ZNF609: variants seen among roughly 807,000 people sequenced by gnomAD.
ZNF609 encodes the protein zinc finger protein 609.
ZNF609 carries 11 observed loss-of-function variants against 109.5 expected under a neutral mutation model. The observed-to-expected ratio is 0.10, with a 90% CI of 0.06 to 0.17. The LOEUF is 0.17. ZNF609 is among the 10% of genes least tolerant of loss of function. ZNF609 has a pLI of 1.00. For missense variants in ZNF609, 1,559 were observed against 1,772.4 expected, an observed-to-expected ratio of 0.88 and a Z score of 2.16; for synonymous variants, 646 against 662.0, an observed-to-expected ratio of 0.98 and a Z score of 0.37.
At chr15:64,578,974 C>G (rs570851927) in intron 2 of ZNF609, among the ~76,000 whole-genome samples, 1 of 152,072 alleles carries the variant, frequency 6.6e-6, no homozygotes, top group East Asian at 1.9e-4. Flanking sequence ...TATATTCCAG[C>G]CTGGGTGACA....
chr15:64,492,928 A>G (rs943595389), intron 1 of ZNF609, among the ~76,000 whole-genome samples: 2 of 152,202 alleles, frequency 1.3e-5, no homozygotes, highest in Non-Finnish European at 2.9e-5. Context: ...GGGAATACCT[A>G]GCTAGACAGC....
intron 1 of ZNF609, among the ~76,000 whole-genome samples, chr15:64,466,521 CT>C: frequency 6.6e-6 from 1 of 152,294 alleles, no homozygotes; most frequent in African/African-American, 2.4e-5. Context: ...GGAGTGAAGG[CT>C]CTTTGAGGGA....
In ZNF609 at chr15:64,576,949, C is replaced by CATATATGTATATATACACATATAT. The variant is rs1567018981; in HGVS notation, c.748-45857_748-45856insTATATATATGTATATATACACATA. Among the ~76,000 whole-genome samples the CATATATGTATATATACACATATAT allele has an allele frequency of 1.1e-4, 6 of 52,228 alleles. No homozygotes were observed. In the East Asian group the frequency reaches 8.2e-3, roughly 72 times the overall value. The allele number at this position is 52,228 out of a possible 152,430, so 34.3% of individuals were successfully genotyped here. ...GTGTATATATACATATAAATATATA[C>CATATATGTATATATACACATATAT]ATATATGTATATATACACATAAATA... On this transcript the variant is annotated intron_variant, in intron 2 of 9. Coordinates refer to ENST00000326648, the MANE Select transcript of ZNF609 (RefSeq NM_015042.2).
At chr15:64,641,442 G>C (rs2140990558) in intron 3 of ZNF609, among the ~76,000 whole-genome samples, 1 of 151,832 alleles carries the variant, frequency 6.6e-6, no homozygotes, top group African/African-American at 2.4e-5. Context: ...TTGAACTCCT[G>C]ACCTCAGGTG....
At chr15:64,545,412 T>C (rs1894340974) in intron 2 of ZNF609, among the ~76,000 whole-genome samples, 2 of 152,168 alleles carry the variant, frequency 1.3e-5, no homozygotes, top group Non-Finnish European at 2.9e-5. Flanking sequence ...TTGCCCAGGC[T>C]GGACTTGAAC....
intron 2 of ZNF609, among the ~76,000 whole-genome samples, 155 bp from the exon 3 acceptor site, chr15:64,622,672 T>C (rs539342141): frequency 6.6e-6 from 1 of 152,358 alleles, no homozygotes; most frequent in South Asian, 2.1e-4. Context: ...TGTAGTGGTA[T>C]CATAAGCCAG....
chr15:64,514,852 GC>G lies in ZNF609; in HGVS notation c.747+14690del, dbSNP rs560931102. 2.0e-3 allele frequency among the ~76,000 whole-genome samples: 299 copies of G among 152,212 alleles called. 5 individuals are homozygous for G. Among genetic ancestry groups the G allele is most frequent in the Admixed American group, 0.015 (236 of 15,288 alleles). ...TGGGTTTCACCCACACTTGAGGCTG[GC>G]CCCAAACTCCTAGTCTCAAGTGATC... On this transcript the variant is annotated intron_variant, in intron 2 of 9. Transcript: ENST00000326648.
At chr15:64,479,648 G>A (rs1893223218) in intron 1 of ZNF609, among the ~76,000 whole-genome samples, 1 of 152,016 alleles carries the variant, frequency 6.6e-6, no homozygotes, top group Admixed American at 6.6e-5. Context: ...GCTGGGTGTG[G>A]TGGTTCACGC....
intron 2 of ZNF609, among the ~76,000 whole-genome samples, chr15:64,526,272 A>G (rs1893966726): frequency 6.6e-6 from 1 of 152,068 alleles, no homozygotes; most frequent in Admixed American, 6.6e-5. Context: ...GTACAGAAAT[A>G]CTATTGTTTT....
intron 2 of ZNF609, among the ~76,000 whole-genome samples, chr15:64,511,658 AAAGTAT>A (rs1212220459): frequency 1.3e-5 from 2 of 152,004 alleles, no homozygotes; most frequent in Non-Finnish European, 2.9e-5. Context: ...GAGGTTTTAC[AAAGTAT>A]AAGTGTCCTA....
chr15:64,520,880 C>A lies in ZNF609; in HGVS notation c.747+20714C>A, dbSNP rs116507415. 6.7e-3 allele frequency among the ~76,000 whole-genome samples: 1,016 copies of A among 152,240 alleles called. 13 individuals carry two copies. Among genetic ancestry groups the A allele is most frequent in the African/African-American group, 0.023 (952 of 41,532 alleles). On this transcript the variant is annotated intron_variant, in intron 2 of 9. Coordinates refer to ENST00000326648, the MANE Select transcript of ZNF609 (RefSeq NM_015042.2). ...TCAGCCGAAGAGATTATTTTATTAT[C>A]TTTCTTCCCACCTTCTCTGCTACAC...
chr15:64,526,104 C>CTTT (rs536172253), intron 2 of ZNF609, among the ~76,000 whole-genome samples: 2 of 132,380 alleles, frequency 1.5e-5, no homozygotes, highest in South Asian at 2.4e-4. Flanking sequence ...TTTTTCTTTT[C>CTTT]TTTTTTTTTT....
At chr15:64,628,583 G>C (rs903981440) in intron 3 of ZNF609, among the ~76,000 whole-genome samples, 1 of 152,106 alleles carries the variant, frequency 6.6e-6, no homozygotes, top group African/African-American at 2.4e-5. Context: ...AGGTTGCAAT[G>C]AGCCAGGATG....
intron 2 of ZNF609, among the ~76,000 whole-genome samples, chr15:64,590,234 A>T (rs1895270021): frequency 6.6e-6 from 1 of 152,184 alleles, no homozygotes; most frequent in South Asian, 2.1e-4. Context: ...TTGGGTCGGA[A>T]CTATTTTAAT....
intron 3 of ZNF609, among the ~76,000 whole-genome samples, chr15:64,627,416 C>G (rs1021461617): frequency 2.6e-5 from 4 of 152,074 alleles, no homozygotes; most frequent in Non-Finnish European, 4.4e-5. Flanking sequence ...CCTTTTTGGA[C>G]AGTAGCACTA....
chr15:64,505,427 G>A (rs1351742956), intron 2 of ZNF609, among the ~76,000 whole-genome samples: 1 of 152,178 alleles, frequency 6.6e-6, no homozygotes, highest in Non-Finnish European at 1.5e-5. Flanking sequence ...TTGTAGAGAA[G>A]ATATACTGTT....
intron 2 of ZNF609, among the ~76,000 whole-genome samples, chr15:64,510,688 T>A (rs34217887): frequency 0.051 from 7,768 of 152,274 alleles, 267 homozygotes; most frequent in Non-Finnish European, 0.082. Context: ...TACTACTTTT[T>A]TGTGAGGAAA....
chr15:64,591,189 G>A (rs1692462386), intron 2 of ZNF609, among the ~76,000 whole-genome samples: 1 of 152,096 alleles, frequency 6.6e-6, no homozygotes, highest in Non-Finnish European at 1.5e-5. Flanking sequence ...CAGCATTTTG[G>A]GAGACCAAGG....
At chr15:64,539,097 A>G (rs1894202470) in intron 2 of ZNF609, among the ~76,000 whole-genome samples, 3 of 150,632 alleles carry the variant, frequency 2.0e-5, no homozygotes, top group South Asian at 4.2e-4. Context: ...TCCGCCTCCC[A>G]GGTTCAAGTG....
Sources: gnomAD v4.1 joint callset for allele counts (sites outside exome capture counted in the v4.1 genomes callset) on GRCh38, gnomAD v4.1.1 for gene constraint, MANE v1.5 for transcripts, NCBI Gene and HGNC (gene_info 2026-07-23, HGNC 2026-07-21) for gene names.